CLVS1: variants seen among roughly 807,000 people sequenced by gnomAD.
CLVS1 encodes clavesin-1.
Under a neutral mutation model 33.1 loss-of-function variants are expected in CLVS1, and 10 were observed. The observed-to-expected ratio is 0.30, with a 90% CI of 0.19 to 0.51. The LOEUF (loss-of-function observed/expected upper bound fraction) is 0.51. Among genes scored for constraint, CLVS1 ranks in the 20% least tolerant of loss-of-function variants. CLVS1 has a pLI of 0.97. For synonymous variants in CLVS1, 163 were observed against 166.1 expected (o/e 0.98, Z 0.14); for missense variants, 343 against 433.4 (o/e 0.79, Z 1.85).
At chr8:61,342,375 C>T (rs148740236) in intron 2 of CLVS1, among the ~76,000 whole-genome samples, 2 of 152,156 alleles carry the variant, frequency 1.3e-5, no homozygotes, top group Non-Finnish European at 2.9e-5. Flanking sequence ...CTGAGCTCCT[C>T]GATGGCTAAA....
intron 3 of CLVS1, among the ~76,000 whole-genome samples, chr8:61,407,668 ATAAG>A (rs1815042787): frequency 6.6e-6 from 1 of 152,256 alleles, no homozygotes; most frequent in African/African-American, 2.4e-5. Context: ...TGTTCAATAA[ATAAG>A]TAATTAAATA....
intron 2 of CLVS1, among the ~76,000 whole-genome samples, chr8:61,185,160 T>G (rs1318106963): frequency 6.6e-6 from 1 of 151,958 alleles, no homozygotes. Flanking sequence ...TTTTTGTTTT[T>G]TGTGACAAGA....
upstream of CLVS1, among the ~76,000 whole-genome samples, chr8:61,283,198 AG>A (rs1480573977): frequency 2.0e-5 from 3 of 152,340 alleles, no homozygotes; most frequent in East Asian, 3.9e-4. Flanking sequence ...TTTAAGTTAT[AG>A]AACTGATCAT....
intron 1 of CLVS1, among the ~76,000 whole-genome samples, chr8:61,083,017 G>A (rs1373556762): frequency 2.6e-5 from 4 of 151,944 alleles, no homozygotes; most frequent in East Asian, 1.9e-4. Flanking sequence ...AAATAAAGAC[G>A]TTCTCAGACA....
At chr8:60,965,542 T>A in the CLVS1 span, among the ~76,000 whole-genome samples, 1 of 151,932 alleles carries the variant, frequency 6.6e-6, no homozygotes, top group Non-Finnish European at 1.5e-5. Context: ...GGGAGCCCCA[T>A]TAGGCACCCC....
At chr8:61,394,324 T>C (rs1814432417) in intron 3 of CLVS1, among the ~76,000 whole-genome samples, 1 of 152,158 alleles carries the variant, frequency 6.6e-6, no homozygotes, top group African/African-American at 2.4e-5. Context: ...AGAAGGGGGA[T>C]GTAAGCTTGC....
intron 1 of CLVS1, among the ~76,000 whole-genome samples, chr8:61,087,747 G>C (rs1314308256): frequency 6.6e-6 from 1 of 152,132 alleles, no homozygotes; most frequent in Non-Finnish European, 1.5e-5. Flanking sequence ...GAAGGGAAGT[G>C]TTCCCCAATA....
At chr8:61,471,481 G>A (rs541717288) in intron 5 of CLVS1, among the ~76,000 whole-genome samples, 203 of 152,242 alleles carry the variant, frequency 1.3e-3, no homozygotes, top group Non-Finnish European at 2.1e-3. Flanking sequence ...GGGGCCTTGA[G>A]TTCCTGATTA....
chr8:61,388,540 A>C (rs1420299248), intron 3 of CLVS1, among the ~76,000 whole-genome samples: 1 of 152,008 alleles, frequency 6.6e-6, no homozygotes, highest in Non-Finnish European at 1.5e-5. Flanking sequence ...TGTATCTCCT[A>C]AAATATAGGA....
At chr8:61,095,117 A>G (rs1805325056) in intron 1 of CLVS1, among the ~76,000 whole-genome samples, 1 of 152,206 alleles carries the variant, frequency 6.6e-6, no homozygotes, top group African/African-American at 2.4e-5. Context: ...TATTCATAAC[A>G]TATTTACTGC....
intron 1 of CLVS1, among the ~76,000 whole-genome samples, chr8:61,103,085 GA>G (rs1046049716): frequency 5.3e-5 from 8 of 152,190 alleles, no homozygotes; most frequent in Non-Finnish European, 8.8e-5. Context: ...CAGCTTTAAA[GA>G]AAATAGCACC....
chr8:61,213,265 C>A (rs1808009411), intron 2 of CLVS1, among the ~76,000 whole-genome samples: 1 of 96,840 alleles, frequency 1.0e-5, no homozygotes, highest in African/African-American at 5.6e-5. Flanking sequence ...CTAAGCATTC[C>A]TTCCAGGGAG....
the CLVS1 span, among the ~76,000 whole-genome samples, chr8:61,004,955 G>GACAAA: frequency 8.3e-6 from 1 of 120,416 alleles, no homozygotes; most frequent in African/African-American, 3.0e-5. Context: ...AACAAAACAA[G>GACAAA]ACAAAACAAA....
chr8:61,354,703 A>T (rs938449401), intron 2 of CLVS1, among the ~76,000 whole-genome samples: 2 of 152,176 alleles, frequency 1.3e-5, no homozygotes, highest in African/African-American at 4.8e-5. Context: ...TCATGTAATT[A>T]TGTTGACTAA....
chr8:61,027,461 A>G, the CLVS1 span, among the ~76,000 whole-genome samples: 1 of 152,186 alleles, frequency 6.6e-6, no homozygotes, highest in African/African-American at 2.4e-5. Context: ...GGAAATTAAT[A>G]AAATGAGCTG....
At position 61,205,128 on chromosome 8, in the gene CLVS1, A is replaced by C. The variant is rs569837951; in HGVS notation, c.-152+73268A>C. Reference sequence around the variant, plus strand: ...TAAAAATTTTAAAAAAATATTTAAAAATTGTGGTTAAATATACACAACATA... The same window carrying C: ...TAAAAATTTTAAAAAAATATTTAAACATTGTGGTTAAATATACACAACATA... On this transcript the variant is annotated intron_variant, in intron 2 of 2. Coordinates refer to the CLVS1 transcript ENST00000522621. Among the ~76,000 whole-genome samples the C allele has an allele frequency of 5.3e-5, 8 of 152,368 alleles. No individual in the cohort carries two copies. The South Asian group carries it at 1.7e-3, about 32-fold the overall frequency.
chr8:61,401,569 A>G (rs1315691727), intron 3 of CLVS1, among the ~76,000 whole-genome samples: 1 of 152,174 alleles, frequency 6.6e-6, no homozygotes, highest in African/African-American at 2.4e-5. Flanking sequence ...GGCACAAACA[A>G]ATGGAAAAAT....
chr8:61,120,830 G>C (rs1805845533), intron 1 of CLVS1, among the ~76,000 whole-genome samples: 1 of 147,970 alleles, frequency 6.8e-6, no homozygotes, highest in African/African-American at 2.5e-5. Context: ...CTTTTTGTTT[G>C]TCTGTGCCCT....
chr8:61,084,548 C>T (rs1642054652), intron 1 of CLVS1, among the ~76,000 whole-genome samples: 1 of 152,164 alleles, frequency 6.6e-6, no homozygotes, highest in Non-Finnish European at 1.5e-5. Flanking sequence ...CTCCTCACAA[C>T]AAAGATTTAT....
Sources: allele counts gnomAD v4.1 joint callset (sites outside exome capture counted in the v4.1 genomes callset), GRCh38; gene constraint gnomAD v4.1.1; transcripts MANE v1.5; gene names NCBI Gene and HGNC (gene_info 2026-07-23, HGNC 2026-07-21).